BOP1: variants seen among roughly 807,000 people sequenced by gnomAD.
BOP1 encodes the protein ribosome biogenesis protein BOP1.
In BOP1, 54 loss-of-function variants were observed where a neutral mutation model predicts 82.9. The observed-to-expected ratio is 0.65, with a 90% CI of 0.52 to 0.82. BOP1 has a LOEUF of 0.82. Among genes scored for constraint, BOP1 ranks in the 40% least tolerant of loss-of-function variants. The pLI, the probability that BOP1 is intolerant of heterozygous loss-of-function variation, is 0.00. For synonymous variants in BOP1, 566 were observed against 451.1 expected, an observed-to-expected ratio of 1.25 and a Z score of -3.23; for missense variants, 1,170 against 1,072.0, an observed-to-expected ratio of 1.09 and a Z score of -1.28.
At position 144,262,838 on chromosome 8, in the gene BOP1, G is replaced by GCCCC. The variant is rs1446836334; in HGVS notation, c.1894+11_1894+14dup. ...CCACCCCTCACCTGCAGGGTGCACC[G>GCCCC]CCCCCACCCCTCACCTGCAGGGTGC... On this transcript the variant is annotated intron_variant, in intron 13 of 15. Transcript: ENST00000569669. The GCCCC allele has an allele frequency of 4.7e-5, 34 of 728,088 alleles. 2 individuals are homozygous for GCCCC. The African/African-American group carries it at 1.2e-3, about 25-fold the overall frequency. The allele number at this position is 728,088 out of a possible 1,614,324, so 45.1% of individuals were successfully genotyped here. A position where few individuals can be genotyped will look rare whatever the true frequency, so the allele number is the denominator to read the frequency against.
rs1845236062 is a variant in BOP1 at position 144,262,675 on chromosome 8, A to G, written c.1895-3T>C. On this transcript the variant is annotated splice_polypyrimidine_tract_variant and splice_region_variant and intron_variant, in intron 13 of 15. Coordinates refer to ENST00000569669, the MANE Select transcript of BOP1 (RefSeq NM_015201.5). ...GCTCCCACAGATGACGTTGTCACCT[A>G]GGGCCAAAGGCTGTGATGCAGGTGT... 4 of 1,613,054 alleles carry G rather than the reference A, an allele frequency of 2.5e-6. No homozygotes were observed. Among genetic ancestry groups the G allele is most frequent in the Non-Finnish European group, 3.4e-6 (4 of 1,179,744 alleles).
At position 144,262,324 on chromosome 8, in the gene BOP1, G is replaced by C; in HGVS notation, c.2088-7C>G. On this transcript the variant is annotated splice_region_variant and splice_polypyrimidine_tract_variant and intron_variant, in intron 15 of 15. Coordinates refer to ENST00000569669, the MANE Select transcript of BOP1 (RefSeq NM_015201.5). ...GGGGTTCTGCAGAAGGTCACTGTGG[G>C]GACGAGGAGGGCTCAGGGCACGGCC... The C allele has an allele frequency of 6.2e-7, 1 of 1,612,808 alleles. No homozygotes were observed.
chr8:144,279,465 G>A (rs1845635011), intron 2 of BOP1, among the ~76,000 whole-genome samples: 1 of 152,170 alleles, frequency 6.6e-6, no homozygotes, highest in Non-Finnish European at 1.5e-5. Flanking sequence ...ACAGCACTGT[G>A]ACTCGGTGCC....
At position 144,264,748 on chromosome 8, in the gene BOP1, C is replaced by T. The variant is rs1845317099; in HGVS notation, c.629G>A (p.Gly210Asp). Reference protein sequence around the residue: ...QVALVRRLQSGQFGDVGFNPY... With the variant: ...QVALVRRLQSDQFGDVGFNPY... ...GTTGAAGCCCACATCCCCAAACTGG[C>T]CACTCTGCAGCCGCCGCACCAGGGC... The change falls in exon 5 of 16, where the codon GGC (glycine) becomes GAC (aspartate). Residue 210 changes from glycine (G) to aspartate (D), a missense_variant. Coordinates refer to ENST00000569669, the MANE Select transcript of BOP1 (RefSeq NM_015201.5). 6.3e-7 allele frequency: 1 copy of T among 1,591,912 alleles called. No homozygotes were observed. Among genetic ancestry groups the T allele is most frequent in the Admixed American group, 1.8e-5 (1 of 56,750 alleles).
At chr8:144,267,087 C>CCCGCCGCCG (rs1489041334) in intron 3 of BOP1, 18 of 1,367,394 alleles carry the variant, frequency 1.3e-5, no homozygotes, top group Non-Finnish European at 1.7e-5. Context: ...CCGGCAGCCC[C>CCCGCCGCCG]CCGCCGCCGC....
At chr8:144,278,240 C>CAAGGTGCCAG (rs1845604120) in intron 2 of BOP1, among the ~76,000 whole-genome samples, 3 of 69,326 alleles carry the variant, frequency 4.3e-5, no homozygotes, top group Non-Finnish European at 8.8e-5. Flanking sequence ...AGCGCAAGGA[C>CAAGGTGCCAG]GAGGTGCCAG....
chr8:144,283,360 T>G (rs1554839149), intron 2 of BOP1, among the ~76,000 whole-genome samples: 2 of 152,234 alleles, frequency 1.3e-5, no homozygotes, highest in Non-Finnish European at 2.9e-5. Flanking sequence ...TGTCCTGCCC[T>G]TGGGCAACAG....
intron 1 of BOP1, among the ~76,000 whole-genome samples, chr8:144,290,000 C>G (rs1021083981): frequency 6.6e-6 from 1 of 152,186 alleles, no homozygotes; most frequent in South Asian, 2.1e-4. Context: ...TGCGTGACAC[C>G]GGCACACACA....
Position 144,291,315 on chromosome 8 carries a change from T to C in BOP1, c.56A>G (p.Lys19Arg). 2.8e-6 allele frequency: 4 copies of C among 1,438,724 alleles called. No individual in the cohort carries two copies. In the African/African-American group the frequency reaches 4.5e-5, roughly 16 times the overall value. The allele number at this position is 1,438,724 out of a possible 1,614,324, so 89.1% of individuals were successfully genotyped here. The part of the protein sequence containing the change: ...RTAAPSVRPE[K>R]RRSEPELEPE... ...CTCCAGTTCGGGCTCAGACCGCCGC[T>C]TCTCCGGCCGCACGCTCGGCGCCGC... is the stretch of plus-strand genomic sequence containing the variant. Residue 19 changes from lysine (K) to arginine (R), a missense_variant, in exon 1 of 16, where the codon AAG becomes AGG. Physicochemically the swap from Lys to Arg is conservative, Grantham distance 26. Coordinates refer to ENST00000569669, the MANE Select transcript of BOP1 (RefSeq NM_015201.5). This position sits in a 1 kb window ranked among gnomAD's most constrained non-coding sequence, Gnocchi z 4.1.
Position 144,279,487 on chromosome 8 carries a change from A to G in BOP1, c.310-3183T>C, listed in dbSNP as rs115652775. Among the ~76,000 whole-genome samples, 1,191 of 152,314 alleles carry G rather than the reference A, an allele frequency of 7.8e-3. 17 individuals carry two copies. Among genetic ancestry groups the G allele is most frequent in the African/African-American group, 0.028 (1,145 of 41,568 alleles). ...TGTGACTCGGTGCCCCACTGCAGAC[A>G]GCTGTGCAGAGAGGGGCCCAAGGAC... On this transcript the variant is annotated intron_variant, in intron 2 of 15. Transcript: ENST00000569669.
chr8:144,279,421 C>T (rs1473374562), intron 2 of BOP1, among the ~76,000 whole-genome samples: 2 of 152,136 alleles, frequency 1.3e-5, no homozygotes, highest in African/African-American at 2.4e-5. Context: ...TGTGCTCAGC[C>T]ACCTTAGGAC....
At chr8:144,268,318 C>T (rs887269198) in intron 3 of BOP1, 10 of 890,600 alleles carry the variant, frequency 1.1e-5, no homozygotes, top group East Asian at 2.7e-5. Flanking sequence ...AGACAGGCGC[C>T]GGCAGCGGGA....
chr8:144,270,276 G>A (rs1369350239), intron 3 of BOP1, among the ~76,000 whole-genome samples: 2 of 152,190 alleles, frequency 1.3e-5, no homozygotes, highest in African/African-American at 4.8e-5. Context: ...GGGGAGGTCT[G>A]GGCAGGGTCA....
chr8:144,275,823 C>CCT (rs1564599632), intron 3 of BOP1, among the ~76,000 whole-genome samples: 1 of 152,092 alleles, frequency 6.6e-6, no homozygotes, highest in Non-Finnish European at 1.5e-5. Context: ...ACAGCACACA[C>CCT]GACAGGGGCA....
chr8:144,291,429 T>A lies in BOP1; in HGVS notation c.-59A>T, dbSNP rs1815073977. On this transcript the variant is annotated 5_prime_UTR_variant, in exon 1 of 16. Coordinates refer to ENST00000569669, the MANE Select transcript of BOP1 (RefSeq NM_015201.5). The surrounding 1 kb of genome is among the most constrained non-coding windows in gnomAD (Gnocchi z 4.1). ...CGCTTCCGACAGCGACCGGGCCGCG[T>A]GCGCAGGAGGACGCGCCCCGCCCAG... 2.9e-6 allele frequency: 3 copies of A among 1,038,014 alleles called. No homozygotes were observed. The highest frequency in any genetic ancestry group is 4.1e-4 in the Middle Eastern group (1 of 2,446). The allele number at this position is 1,038,014 out of a possible 1,614,324, so 64.3% of individuals were successfully genotyped here.
intron 3 of BOP1, among the ~76,000 whole-genome samples, chr8:144,272,440 G>A (rs1203819638): frequency 6.6e-6 from 1 of 152,138 alleles, no homozygotes; most frequent in East Asian, 1.9e-4. Flanking sequence ...GGCCTCCCCA[G>A]AGGGCCCAGA....
chr8:144,267,977 T>A, intron 3 of BOP1: 6 of 1,415,068 alleles, frequency 4.2e-6, no homozygotes, highest in Non-Finnish European at 4.9e-6. Context: ...TGAGGGAAGC[T>A]GGGGAGAGCC....
intron 3 of BOP1, chr8:144,266,903 C>A (rs1564596187): frequency 6.5e-7 from 1 of 1,537,248 alleles, no homozygotes. Flanking sequence ...GCCTTCACGG[C>A]GCTGCGCACG....
At chr8:144,267,310 C>T in intron 3 of BOP1, 5 of 1,145,784 alleles carry the variant, frequency 4.4e-6, no homozygotes, top group Non-Finnish European at 5.6e-6. Flanking sequence ...ACCTGTAACA[C>T]AGGCCTGCCG....
Sources: gnomAD v4.1 joint callset for allele counts (sites outside exome capture counted in the v4.1 genomes callset) on GRCh38, gnomAD v4.1.1 for gene constraint, Gnocchi (gnomAD v3.1) non-coding constraint, MANE v1.5 for transcripts, NCBI Gene and HGNC (gene_info 2026-07-23, HGNC 2026-07-21) for gene names.